The following NEU3 variants were observed in gnomAD, a reference collection of about 807,000 sequenced individuals.
The protein encoded by NEU3 is sialidase-3.
NEU3 carries 10 observed loss-of-function variants against 11.4 expected under a neutral mutation model. The ratio of observed to expected loss-of-function variants is 0.88; its 90% CI spans 0.54 to 1.49. The LOEUF (loss-of-function observed/expected upper bound fraction) is 1.49, where lower values mean the gene tolerates loss of function less well. NEU3 is among the 40% of genes most tolerant of loss of function. NEU3 has a pLI of 0.00. For missense variants in NEU3, 529 were observed against 581.8 expected (o/e 0.91, Z 0.93); for synonymous variants, 212 against 228.2 (o/e 0.93, Z 0.64).
chr11:75,000,714 C>T (rs1948834553), intron 2 of NEU3, among the ~76,000 whole-genome samples: 1 of 151,304 alleles, frequency 6.6e-6, no homozygotes. Context: ...AACTCCTGGG[C>T]TCAAGCAATC....
chr11:74,994,405 G>GC (rs1322409704), intron 1 of NEU3, 104 bp from the exon 2 acceptor site: 71 of 759,220 alleles, frequency 9.4e-5, no homozygotes, highest in South Asian at 8.9e-5. Flanking sequence ...ATATATCTGT[G>GC]CCCCCCCACC....
chr11:74,997,132 C>T (rs1443723575), intron 2 of NEU3, among the ~76,000 whole-genome samples: 1 of 152,194 alleles, frequency 6.6e-6, no homozygotes, highest in Non-Finnish European at 1.5e-5. Context: ...CATGAAAGTC[C>T]TAGATGGCAT....
upstream of NEU3, among the ~76,000 whole-genome samples, chr11:74,985,461 T>A (rs1591746663): frequency 6.6e-6 from 1 of 152,180 alleles, no homozygotes; most frequent in Non-Finnish European, 1.5e-5. Context: ...TATATGGTTA[T>A]TTTTTAATTT....
downstream of NEU3, among the ~76,000 whole-genome samples, chr11:75,013,928 A>G (rs1209352522): frequency 2.0e-5 from 3 of 152,204 alleles, no homozygotes; most frequent in Non-Finnish European, 2.9e-5. Context: ...GCAGGTTGAT[A>G]TGAGGCAAAG....
chr11:74,980,961 C>G, the NEU3 span, among the ~76,000 whole-genome samples: 1 of 152,208 alleles, frequency 6.6e-6, no homozygotes, highest in African/African-American at 2.4e-5. Flanking sequence ...AGGGAAATTC[C>G]TTATTCCTGT....
intron 2 of NEU3, 162 bp downstream of exon 2, chr11:74,994,882 G>C: frequency 1.4e-6 from 1 of 727,016 alleles, no homozygotes; most frequent in Non-Finnish European, 2.5e-6. Flanking sequence ...AGTGCTTATT[G>C]TGTGCCAGGG....
At chr11:75,005,281 A>C in intron 2 of NEU3, 132 bp from the exon 3 acceptor site, 2 of 893,618 alleles carry the variant, frequency 2.2e-6, no homozygotes, top group African/African-American at 1.7e-5. Flanking sequence ...TTTAGTGAGT[A>C]GTTAGGCCTT....
rs1396891056 is a variant in NEU3 at position 74,994,702 on chromosome 11, G to A, written c.288G>A (p.Arg96=). 2.5e-6 allele frequency: 4 copies of A among 1,614,014 alleles called. No individual in the cohort carries two copies. The Admixed American group carries it at 6.7e-5, about 27-fold the overall frequency. ...ACCTGGTGCTGAGGCGAGGGTTGAGGATTGGGCAGTTGGTACAGGTGACTC... is the reference window on the plus strand; with the variant it reads ...ACCTGGTGCTGAGGCGAGGGTTGAGAATTGGGCAGTTGGTACAGGTGACTC... ...ALHLVLRRGL[R]IGQLVQWGPL... Residue 96 remains arginine (R), a synonymous_variant, in exon 2 of 3, where the codon AGG becomes AGA. Transcript: ENST00000294064.
chr11:75,008,337 G>A lies in NEU3; in HGVS notation c.*1845G>A, dbSNP rs1055120760. On this transcript the variant is annotated 3_prime_UTR_variant, in exon 3 of 3. Transcript: ENST00000294064. Reference sequence around the variant, plus strand: ...TGTCAGGGAAAACCTCTGTCAAGTTGGCAGGTGGAGGGTGGTGGAGGTCTA... The same window carrying A: ...TGTCAGGGAAAACCTCTGTCAAGTTAGCAGGTGGAGGGTGGTGGAGGTCTA... The A allele has an allele frequency of 2.0e-5, 3 of 152,206 alleles. No homozygotes were observed. Among genetic ancestry groups the A allele is most frequent in the African/African-American group, 7.2e-5 (3 of 41,422 alleles). 9.4% of individuals were successfully genotyped at this position (152,206 alleles called of 1,614,324 possible).
intron 2 of NEU3, among the ~76,000 whole-genome samples, chr11:74,998,118 G>A (rs969086155): frequency 6.6e-6 from 1 of 152,150 alleles, no homozygotes; most frequent in African/African-American, 2.4e-5. Flanking sequence ...AGAGATGAGG[G>A]AACAGTTGGT....
chr11:75,005,873 C>A lies in NEU3; in HGVS notation c.767C>A (p.Thr256Lys). The A allele has an allele frequency of 6.2e-7, 1 of 1,613,784 alleles. No individual in the cohort carries two copies. The highest frequency in any genetic ancestry group is 8.5e-7 in the Non-Finnish European group (1 of 1,179,872). ...HHGRLIRPMV[T>K]VECEVAEVTG... is the part of the protein sequence containing the mutation. Reference sequence around the variant, plus strand: ...GGTAGACTCATTAGGCCCATGGTTACAGTAGAATGTGAAGTGGCAGAGGTG... The same window carrying A: ...GGTAGACTCATTAGGCCCATGGTTAAAGTAGAATGTGAAGTGGCAGAGGTG... Residue 256 changes from threonine to lysine, a missense_variant, in exon 3 of 3, where the codon ACA becomes AAA. Transcript: ENST00000294064.
intron 2 of NEU3, 40 bp downstream of exon 2, chr11:74,994,760 C>T (rs922655264): frequency 1.3e-6 from 2 of 1,556,316 alleles, no homozygotes; most frequent in Admixed American, 1.7e-5. Context: ...GCCTCAGTTT[C>T]TCTTCACAAA....
At position 74,997,627 on chromosome 11, in the gene NEU3, C is replaced by T. The variant is rs113526679; in HGVS notation, c.306+2907C>T. 6.8e-4 allele frequency among the ~76,000 whole-genome samples: 100 copies of T among 147,128 alleles called. 1 individual carries two copies. Among genetic ancestry groups the T allele is most frequent in the African/African-American group, 2.3e-3 (93 of 39,696 alleles). ...TTGGGAGGCCAAGGTAGGCGGATCA[C>T]GAGGTCAGGAGTTCGAGACCAGCCT... is the stretch of plus-strand genomic sequence containing the variant. On this transcript the variant is annotated intron_variant, in intron 2 of 2. Coordinates refer to ENST00000294064, the MANE Select transcript of NEU3 (RefSeq NM_006656.6).
chr11:75,014,140 T>G (rs972068551), downstream of NEU3, among the ~76,000 whole-genome samples: 8 of 152,174 alleles, frequency 5.3e-5, no homozygotes, highest in Non-Finnish European at 8.8e-5. Flanking sequence ...TATTTTCCAG[T>G]GCCCCCAAGC....
At chr11:74,998,574 T>C (rs1948815127) in intron 2 of NEU3, among the ~76,000 whole-genome samples, 1 of 152,196 alleles carries the variant, frequency 6.6e-6, no homozygotes, top group Non-Finnish European at 1.5e-5. Context: ...CTACCCTGCT[T>C]TTTTACCTAC....
At chr11:75,001,327 G>C (rs1948842670) in intron 2 of NEU3, among the ~76,000 whole-genome samples, 1 of 148,818 alleles carries the variant, frequency 6.7e-6, no homozygotes, top group African/African-American at 2.5e-5. Flanking sequence ...TGTCACCCAG[G>C]CTGGAGTACA....
intron 2 of NEU3, among the ~76,000 whole-genome samples, chr11:75,000,959 A>G (rs1402947212): frequency 1.3e-5 from 2 of 152,006 alleles, no homozygotes; most frequent in Non-Finnish European, 2.9e-5. Flanking sequence ...CCTTGCTTTT[A>G]ATTCTTTTGG....
chr11:74,992,183 T>C (rs939025075), intron 1 of NEU3, among the ~76,000 whole-genome samples: 2 of 152,234 alleles, frequency 1.3e-5, no homozygotes, highest in African/African-American at 4.8e-5. Flanking sequence ...TTCTTTTGGC[T>C]CAATCATTCT....
rs1222419506 is a variant in NEU3 at position 75,005,664 on chromosome 11, G to A, written c.558G>A (p.Leu186=). ...DLTEEVIGSE[L]KHWATFAVGP... is the part of the protein sequence containing the mutation. ...CTGAGGAGGTCATTGGCTCAGAGCT[G>A]AAGCACTGGGCCACATTTGCTGTGG... Residue 186 remains leucine (L), a synonymous_variant, in exon 3 of 3, where the codon CTG becomes CTA. Transcript: ENST00000294064. 6.2e-7 allele frequency: 1 copy of A among 1,613,916 alleles called. No individual in the cohort carries two copies. The highest frequency in any genetic ancestry group is 8.5e-7 in the Non-Finnish European group (1 of 1,179,896).
Sources: allele counts gnomAD v4.1 joint callset (sites outside exome capture counted in the v4.1 genomes callset), GRCh38; gene constraint gnomAD v4.1.1; transcripts MANE v1.5; gene names NCBI Gene and HGNC (gene_info 2026-07-23, HGNC 2026-07-21).